The following VPS26A variants were observed in gnomAD, a reference collection of about 807,000 sequenced individuals.
VPS26A encodes the protein VPS26 retromer complex component A.
Under a neutral mutation model 42.4 loss-of-function variants are expected in VPS26A, and 22 were observed. The ratio of observed to expected loss-of-function variants is 0.52; its 90% confidence interval spans 0.37 to 0.74. VPS26A has a LOEUF of 0.74. Among genes scored for constraint, VPS26A ranks in the 30% least tolerant of loss-of-function variants. The pLI is 0.00. For synonymous variants in VPS26A, 110 were observed against 123.5 expected (o/e 0.89, Z 0.73); for missense variants, 276 against 379.2 (o/e 0.73, Z 2.26).
Position 69,166,827 on chromosome 10 carries a change from T to C in VPS26A, c.727+717T>C, listed in dbSNP as rs12252875. ...CAAATTGGTGTGCATGAGAAAATTA[T>C]TATGTAAAAAATATTCAGGCCGGGT... On this transcript the variant is annotated intron_variant, in intron 7 of 8. Transcript: ENST00000263559. 2.4e-3 allele frequency among the ~76,000 whole-genome samples: 362 copies of C among 152,240 alleles called. 4 individuals carry two copies. The highest frequency in any genetic ancestry group is 8.3e-3 in the African/African-American group (343 of 41,548).
At chr10:69,132,790 A>T in intron 1 of VPS26A, 108 bp from the exon 2 acceptor site, 1 of 1,121,656 alleles carries the variant, frequency 8.9e-7, no homozygotes, top group Non-Finnish European at 1.2e-6. Context: ...TTATGAACTC[A>T]CAGATTTGCA....
intron 2 of VPS26A, among the ~76,000 whole-genome samples, chr10:69,151,836 A>G (rs1000441816): frequency 6.6e-6 from 1 of 152,164 alleles, no homozygotes; most frequent in African/African-American, 2.4e-5. Flanking sequence ...ATTTTTTTCT[A>G]TATGCTTTGT....
In VPS26A at chr10:69,174,201, G is replaced by A. The variant is rs1210390982; in HGVS notation, c.*2932G>A. ...ATTTAAGAGCTGTAACACTCAAGGC[G>A]AAGGTCCACGGCTCCGTTAAGTCAG... On this transcript the variant is annotated 3_prime_UTR_variant, in exon 9 of 9. Transcript: ENST00000263559. Among the ~76,000 whole-genome samples the A allele has an allele frequency of 8.9e-6, 1 of 111,854 alleles. No individual in the cohort carries two copies. Among genetic ancestry groups the A allele is most frequent in the Admixed American group, 1.0e-4 (1 of 10,038 alleles). The allele number at this position is 111,854 out of a possible 152,430, so 73.4% of individuals were successfully genotyped here.
intron 2 of VPS26A, among the ~76,000 whole-genome samples, chr10:69,140,592 C>G (rs980588716): frequency 1.3e-5 from 2 of 151,110 alleles, no homozygotes; most frequent in East Asian, 3.9e-4. Flanking sequence ...ACCGTGTTGC[C>G]CAGGCTGGTT....
At chr10:69,141,061 A>G (rs963239897) in intron 2 of VPS26A, among the ~76,000 whole-genome samples, 2 of 152,138 alleles carry the variant, frequency 1.3e-5, no homozygotes, top group Non-Finnish European at 2.9e-5. Flanking sequence ...TAGTTGGTCC[A>G]TCTGTTTTTA....
chr10:69,145,690 C>T (rs924639678), intron 2 of VPS26A, among the ~76,000 whole-genome samples: 1 of 150,664 alleles, frequency 6.6e-6, no homozygotes, highest in Non-Finnish European at 1.5e-5. Flanking sequence ...TTATTCTGTT[C>T]TGTTGGCCTA....
chr10:69,126,332 T>TG (rs901622097), intron 1 of VPS26A, among the ~76,000 whole-genome samples: 4 of 152,032 alleles, frequency 2.6e-5, no homozygotes, highest in African/African-American at 9.7e-5. Context: ...ATTGGCCAAG[T>TG]GTGGTGGCGC....
At chr10:69,148,609 T>A (rs757592929) in intron 2 of VPS26A, among the ~76,000 whole-genome samples, 1 of 152,240 alleles carries the variant, frequency 6.6e-6, no homozygotes, top group Admixed American at 6.5e-5. Flanking sequence ...TGGTGTGTGG[T>A]ACATTGATAG....
chr10:69,164,444 C>T (rs1841640091), intron 6 of VPS26A, among the ~76,000 whole-genome samples: 2 of 152,080 alleles, frequency 1.3e-5, no homozygotes, highest in African/African-American at 2.4e-5. Context: ...TTTCAAACTC[C>T]TGGACTCAGC....
intron 7 of VPS26A, among the ~76,000 whole-genome samples, chr10:69,167,876 A>T (rs1196222873): frequency 2.0e-5 from 3 of 152,156 alleles, no homozygotes; most frequent in Non-Finnish European, 4.4e-5. Flanking sequence ...CTTTGAATAT[A>T]TGAGTAACAA....
At chr10:69,162,542 T>C in intron 6 of VPS26A, 30 bp downstream of exon 6, 1 of 1,375,440 alleles carries the variant, frequency 7.3e-7, no homozygotes, top group Admixed American at 2.3e-5. Context: ...TAAATTAAAA[T>C]TCTTTGTTTT....
At chr10:69,163,511 C>G (rs145129179) in intron 6 of VPS26A, among the ~76,000 whole-genome samples, 21 of 152,260 alleles carry the variant, frequency 1.4e-4, no homozygotes, top group Non-Finnish European at 2.6e-4. Flanking sequence ...GAGAGTGCCT[C>G]TTTTCCCCCA....
intron 2 of VPS26A, among the ~76,000 whole-genome samples, chr10:69,147,339 T>A (rs1029652927): frequency 6.6e-6 from 1 of 152,216 alleles, no homozygotes; most frequent in Non-Finnish European, 1.5e-5. Flanking sequence ...TTTGCAAATA[T>A]TTTCTCCCAT....
chr10:69,156,939 G>A lies in VPS26A; in HGVS notation c.230-68G>A. The A allele has an allele frequency of 4.2e-6, 6 of 1,417,920 alleles. No homozygotes were observed. The South Asian group carries it at 4.3e-5, about 10-fold the overall frequency. The allele number at this position is 1,417,920 out of a possible 1,614,324, so 87.8% of individuals were successfully genotyped here. A position where few individuals can be genotyped will look rare whatever the true frequency, so the allele number is the denominator to read the frequency against. On this transcript the variant is annotated intron_variant, in intron 3 of 8. Coordinates refer to ENST00000263559, the MANE Select transcript of VPS26A (RefSeq NM_004896.5). ...TTGGTAAAAATCGTTTGTGTTTGAA[G>A]TAGATGTCTGGGTTTTATTGAAATG...
intron 2 of VPS26A, among the ~76,000 whole-genome samples, chr10:69,155,309 A>G (rs1317322681): frequency 2.0e-5 from 3 of 152,220 alleles, no homozygotes; most frequent in Non-Finnish European, 4.4e-5. Context: ...CTCAATTACA[A>G]TAAGTATGAA....
At chr10:69,145,156 CT>C (rs1841129139) in intron 2 of VPS26A, among the ~76,000 whole-genome samples, 1 of 77,290 alleles carries the variant, frequency 1.3e-5, no homozygotes, top group Non-Finnish European at 3.9e-5. Context: ...CTGCCTCAGC[CT>C]CCTGAGTAGC....
At chr10:69,129,533 G>A (rs900578752) in intron 1 of VPS26A, among the ~76,000 whole-genome samples, 2 of 151,308 alleles carry the variant, frequency 1.3e-5, no homozygotes, top group African/African-American at 4.9e-5. Context: ...AGATTAAAAC[G>A]TGTCAAAAAG....
intron 2 of VPS26A, among the ~76,000 whole-genome samples, chr10:69,145,794 A>G (rs1235792304): frequency 2.6e-5 from 4 of 151,312 alleles, no homozygotes; most frequent in Non-Finnish European, 4.4e-5. Context: ...ATTAGAGTGT[A>G]TAGTGATTTT....
intron 2 of VPS26A, among the ~76,000 whole-genome samples, chr10:69,135,158 A>C (rs1256865980): frequency 6.6e-6 from 1 of 152,190 alleles, no homozygotes; most frequent in Non-Finnish European, 1.5e-5. Context: ...TATCTCTCCT[A>C]CTAATTTGTA....
Sources: allele counts gnomAD v4.1 joint callset (sites outside exome capture counted in the v4.1 genomes callset), GRCh38; gene constraint gnomAD v4.1.1; transcripts MANE v1.5; gene names NCBI Gene and HGNC (gene_info 2026-07-23, HGNC 2026-07-21).